PRICKLE2: variants seen among roughly 807,000 people sequenced by gnomAD.
The protein encoded by PRICKLE2 is prickle-like protein 2.
In PRICKLE2, 21 loss-of-function variants were observed where a neutral mutation model predicts 81.4. That is an observed-to-expected ratio of 0.26 (90% confidence interval 0.18 to 0.37). The LOEUF (loss-of-function observed/expected upper bound fraction) is 0.37. Ranked by LOEUF, PRICKLE2 falls within the 10% of genes least tolerant of loss-of-function variation. PRICKLE2 has a pLI of 1.00. For missense variants in PRICKLE2, 940 were observed against 1,109.0 expected (o/e 0.85, Z 2.16); for synonymous variants, 456 against 421.5 (o/e 1.08, Z -1.00).
At chr3:64,196,716 T>A (rs1461453470) in intron 2 of PRICKLE2, among the ~76,000 whole-genome samples, 1 of 152,118 alleles carries the variant, frequency 6.6e-6, no homozygotes, top group Non-Finnish European at 1.5e-5. Flanking sequence ...TAGTGAGAAT[T>A]AGAACAGAGA....
intron 1 of PRICKLE2, among the ~76,000 whole-genome samples, chr3:64,222,710 C>T (rs928112478): frequency 3.3e-5 from 5 of 152,140 alleles, no homozygotes; most frequent in African/African-American, 1.2e-4. Context: ...AGCCAACCAG[C>T]AGGTTAAGCA....
At chr3:64,250,257 G>T (rs1012561986) in intron 2 of PRICKLE2, among the ~76,000 whole-genome samples, 4 of 152,184 alleles carry the variant, frequency 2.6e-5, no homozygotes, top group South Asian at 2.1e-4. Flanking sequence ...ATTCTTTGTT[G>T]GAGGGGGCTG....
intron 2 of PRICKLE2, among the ~76,000 whole-genome samples, chr3:64,171,878 A>G (rs2107063030): frequency 6.6e-6 from 1 of 152,332 alleles, no homozygotes; most frequent in South Asian, 2.1e-4. Flanking sequence ...ATTTCAGAGG[A>G]AGTGACAAAA....
At chr3:64,165,399 A>G (rs999112262) in intron 2 of PRICKLE2, among the ~76,000 whole-genome samples, 1 of 152,198 alleles carries the variant, frequency 6.6e-6, no homozygotes, top group African/African-American at 2.4e-5. Context: ...AATACTCATC[A>G]TAAGACTGTG....
intron 2 of PRICKLE2, among the ~76,000 whole-genome samples, chr3:64,258,855 A>AAGAAAGAAAGAAAGAAAGAAAGAAAG (rs2079571539): frequency 7.3e-6 from 1 of 137,708 alleles, no homozygotes; most frequent in East Asian, 2.0e-4. Context: ...AAAAGAAAGA[A>AAGAAAGAAAGAAAGAAAGAAAGAAAG]AGAAAGAAAG....
chr3:64,258,665 GA>G (rs936317608), intron 2 of PRICKLE2, among the ~76,000 whole-genome samples: 59 of 145,560 alleles, frequency 4.1e-4, no homozygotes, highest in Non-Finnish European at 5.5e-4. Flanking sequence ...CTTAAAAAAA[GA>G]AAAAAAAAAT....
At chr3:64,186,156 AAT>A (rs1339751620) in intron 2 of PRICKLE2, among the ~76,000 whole-genome samples, 1 of 152,236 alleles carries the variant, frequency 6.6e-6, no homozygotes, top group Admixed American at 6.5e-5. Flanking sequence ...GATATAATAC[AAT>A]ATGTTTATCC....
chr3:64,115,778 TAGAC>T (rs144520786), intron 7 of PRICKLE2, among the ~76,000 whole-genome samples: 5,179 of 152,160 alleles, frequency 0.034, 294 homozygotes, highest in East Asian at 0.28. Flanking sequence ...CTGACAATAT[TAGAC>T]AGATCATCAA....
intron 2 of PRICKLE2, among the ~76,000 whole-genome samples, chr3:64,167,049 T>C (rs1327450603): frequency 2.0e-5 from 3 of 152,190 alleles, no homozygotes; most frequent in Non-Finnish European, 2.9e-5. Context: ...AACTACTGTA[T>C]GGCCCAAAAC....
chr3:64,184,082 G>A (rs895062944), intron 2 of PRICKLE2, among the ~76,000 whole-genome samples: 3 of 152,114 alleles, frequency 2.0e-5, no homozygotes, highest in Non-Finnish European at 4.4e-5. Context: ...TTTAATTCTT[G>A]CCCCCAACAT....
At chr3:64,242,025 G>A (rs1233314915) in intron 2 of PRICKLE2, among the ~76,000 whole-genome samples, 4 of 151,968 alleles carry the variant, frequency 2.6e-5, no homozygotes, top group Non-Finnish European at 5.9e-5. Context: ...ATATTATTTC[G>A]CTCAGATTAG....
chr3:64,152,027 C>T (rs552821439), intron 6 of PRICKLE2, among the ~76,000 whole-genome samples: 4 of 152,184 alleles, frequency 2.6e-5, no homozygotes, highest in Admixed American at 6.5e-5. Context: ...GTTGAGCACA[C>T]GCTAGCTGTC....
At chr3:64,185,509 T>C (rs1280619854) in intron 2 of PRICKLE2, among the ~76,000 whole-genome samples, 1 of 152,238 alleles carries the variant, frequency 6.6e-6, no homozygotes, top group Non-Finnish European at 1.5e-5. Flanking sequence ...GCACTGTCCT[T>C]GGGAGCTTAG....
At chr3:64,161,753 C>G (rs374305038) in intron 3 of PRICKLE2, among the ~76,000 whole-genome samples, 1 of 151,196 alleles carries the variant, frequency 6.6e-6, no homozygotes, top group East Asian at 1.9e-4. Flanking sequence ...TGTAAACGTC[C>G]CAGAGAGAAC....
At chr3:64,211,735 G>T (rs1296460760) in intron 1 of PRICKLE2, among the ~76,000 whole-genome samples, 2 of 152,168 alleles carry the variant, frequency 1.3e-5, no homozygotes, top group Admixed American at 1.3e-4. Flanking sequence ...CGACTCTTTT[G>T]TTAGGCCATC....
intron 6 of PRICKLE2, among the ~76,000 whole-genome samples, chr3:64,150,775 C>G (rs1488444143): frequency 6.6e-6 from 1 of 152,148 alleles, no homozygotes; most frequent in Admixed American, 6.5e-5. Context: ...CAGCAAGGGC[C>G]TAGTTCCTCG....
At chr3:64,237,215 G>T (rs1033342249) in intron 2 of PRICKLE2, among the ~76,000 whole-genome samples, 2 of 152,202 alleles carry the variant, frequency 1.3e-5, no homozygotes, top group Admixed American at 6.5e-5. Flanking sequence ...TTTGGCATCT[G>T]TGGATGGCTT....
chr3:64,109,056 C>T (rs976962177), intron 7 of PRICKLE2, among the ~76,000 whole-genome samples: 10 of 152,126 alleles, frequency 6.6e-5, no homozygotes, highest in African/African-American at 2.4e-4. Flanking sequence ...CCACCTGCTG[C>T]TTGACCATAG....
intron 2 of PRICKLE2, among the ~76,000 whole-genome samples, chr3:64,233,979 A>C (rs1446551303): frequency 4.6e-5 from 7 of 152,192 alleles, no homozygotes; most frequent in Non-Finnish European, 8.8e-5. Flanking sequence ...TTTTTGGTTC[A>C]TCCTGTAGCT....
Sources: gnomAD v4.1 joint callset for allele counts (sites outside exome capture counted in the v4.1 genomes callset) on GRCh38, gnomAD v4.1.1 for gene constraint, MANE v1.5 for transcripts, NCBI Gene and HGNC (gene_info 2026-07-23, HGNC 2026-07-21) for gene names.